Variants in ASCC3 observed in about 807,000 individuals in gnomAD.
ASCC3 encodes the protein ASC-1 complex subunit P200.
A neutral mutation model predicts 256.3 loss-of-function variants in ASCC3; 158 were observed. The ratio of observed to expected loss-of-function variants is 0.62; its 90% CI spans 0.54 to 0.70. The LOEUF is 0.70. Among genes scored for constraint, ASCC3 ranks in the 30% least tolerant of loss-of-function variants. The probability of loss-of-function intolerance (pLI) is 0.00; values close to 1 mark genes in which losing one functional copy is unlikely to be tolerated. For missense variants in ASCC3, 2,259 were observed against 2,626.0 expected, an observed-to-expected ratio of 0.86 and a Z score of 3.05; for synonymous variants, 948 against 883.4, an observed-to-expected ratio of 1.07 and a Z score of -1.30.
chr6:100,868,823 G>T (rs1343938746), intron 1 of ASCC3, among the ~76,000 whole-genome samples: 1 of 152,188 alleles, frequency 6.6e-6, no homozygotes, highest in East Asian at 1.9e-4. Flanking sequence ...CAGCTGATGA[G>T]GGGGAAGAAC....
intron 25 of ASCC3, among the ~76,000 whole-genome samples, chr6:100,633,366 C>T (rs1774654249): frequency 6.6e-6 from 1 of 151,950 alleles, no homozygotes; most frequent in Non-Finnish European, 1.5e-5. Context: ...GTACAAGTAG[C>T]CCTTACATTA....
chr6:100,562,026 G>A (rs370532457), intron 36 of ASCC3, among the ~76,000 whole-genome samples: 56 of 152,180 alleles, frequency 3.7e-4, no homozygotes, highest in Middle Eastern at 3.4e-3. Flanking sequence ...TGATATTTGT[G>A]AAGTCCTTCT....
intron 5 of ASCC3, among the ~76,000 whole-genome samples, chr6:100,805,532 T>C (rs1171166313): frequency 6.6e-6 from 1 of 152,118 alleles, no homozygotes; most frequent in Non-Finnish European, 1.5e-5. Context: ...TTGTGTATTC[T>C]AAGTAGTTTT....
intron 11 of ASCC3, among the ~76,000 whole-genome samples, chr6:100,723,634 G>T (rs1779448857): frequency 6.6e-6 from 1 of 150,942 alleles, no homozygotes; most frequent in African/African-American, 2.4e-5. Context: ...ATAAAGAATT[G>T]ATATCTAATT....
chr6:100,717,966 G>T, intron 12 of ASCC3, 109 bp downstream of exon 12: 2 of 1,006,464 alleles, frequency 2.0e-6, no homozygotes, highest in Non-Finnish European at 3.0e-6. Context: ...CCATTTCAGT[G>T]GACACCACAA....
In ASCC3 at chr6:100,766,720, C is replaced by A; in HGVS notation, c.1597-15G>T. On this transcript the variant is annotated splice_polypyrimidine_tract_variant and intron_variant, in intron 9 of 41. Transcript: ENST00000369162. ...ACATATACAATCTATACCAAAGGAA[C>A]ACTAGCTTGATTAATGAGCAAAAAC... 2 of 1,613,904 alleles carry A rather than the reference C, an allele frequency of 1.2e-6. No individual in the cohort carries two copies. The highest frequency in any genetic ancestry group is 1.7e-6 in the Non-Finnish European group (2 of 1,179,876).
In ASCC3 at chr6:100,509,161, C is replaced by T; in HGVS notation, c.*225G>A. The T allele has an allele frequency of 1.8e-6, 1 of 556,918 alleles. No homozygotes were observed. Among genetic ancestry groups the T allele is most frequent in the Non-Finnish European group, 3.2e-6 (1 of 311,792 alleles). The allele number at this position is 556,918 out of a possible 1,614,324, so 34.5% of individuals were successfully genotyped here. ...CTAAATGCTTTTTCATCTTACATAT[C>T]AAGAAACTCATAAAGATAACATTAT... On this transcript the variant is annotated 3_prime_UTR_variant, in exon 42 of 42. Transcript: ENST00000369162.
At chr6:100,731,717 C>T (rs116203841) in intron 10 of ASCC3, among the ~76,000 whole-genome samples, 5 of 152,102 alleles carry the variant, frequency 3.3e-5, no homozygotes, top group Admixed American at 2.0e-4. Flanking sequence ...TTTTTCAAAT[C>T]GGACTGGTTT....
chr6:100,656,979 TAAAG>T (rs1417709164), intron 16 of ASCC3, among the ~76,000 whole-genome samples: 1 of 151,184 alleles, frequency 6.6e-6, no homozygotes, highest in Non-Finnish European at 1.5e-5. Context: ...GTCCTAATAT[TAAAG>T]AAAGTAAAAC....
At position 100,512,119 on chromosome 6, in the gene ASCC3, G is replaced by A. The variant is rs139895346; in HGVS notation, c.6285+590C>T. Among the ~76,000 whole-genome samples the A allele has an allele frequency of 1.4e-3, 207 of 152,304 alleles. 1 individual carries two copies. Among genetic ancestry groups the A allele is most frequent in the Non-Finnish European group, 2.8e-4 (19 of 68,032 alleles). On this transcript the variant is annotated intron_variant, in intron 40 of 41. Coordinates refer to ENST00000369162, the MANE Select transcript of ASCC3 (RefSeq NM_006828.4). ...ATAAAAATACTGTACATTTTTGCCTGTATGAACATTGACAAAGCTCTCCTA... is the reference window on the plus strand; with the variant it reads ...ATAAAAATACTGTACATTTTTGCCTATATGAACATTGACAAAGCTCTCCTA...
chr6:100,591,516 A>T (rs1771997329), intron 34 of ASCC3, among the ~76,000 whole-genome samples: 1 of 152,054 alleles, frequency 6.6e-6, no homozygotes, highest in Admixed American at 6.6e-5. Context: ...TTTAGCTGTC[A>T]GGACTAATAC....
rs183644989 is a variant in ASCC3, at chr6:100,532,078, T to C, written c.5775+8085A>G. 5.9e-5 allele frequency among the ~76,000 whole-genome samples: 9 copies of C among 151,856 alleles called. No individual in the cohort carries two copies. The East Asian group carries it at 1.7e-3, about 29-fold the overall frequency. On this transcript the variant is annotated intron_variant, in intron 37 of 41. Transcript: ENST00000369162. ...GTAGGAGTTAAATTTTGAAAATGGTTGTGATGAGCCACGAAATTCAATCTT... is the reference window on the plus strand; with the variant it reads ...GTAGGAGTTAAATTTTGAAAATGGTCGTGATGAGCCACGAAATTCAATCTT...
intron 8 of ASCC3, among the ~76,000 whole-genome samples, chr6:100,796,935 C>T (rs1250918875): frequency 6.6e-6 from 1 of 152,060 alleles, no homozygotes; most frequent in Non-Finnish European, 1.5e-5. Context: ...CCAAAAATCT[C>T]CACATCCTAA....
Position 100,512,833 on chromosome 6 carries a change from T to C in ASCC3, c.6161A>G (p.Asn2054Ser). The part of the protein sequence containing the change: ...GSWDDLVEGH[N>S]ELSVSTLTAD... The stretch of plus-strand genomic sequence containing the variant: ...AGTCAGAGTTGAGACAGAGAGTTCA[T>C]TATGTCCTTCAACTAAGTCATCCCA... Residue 2054 changes from asparagine to serine, a missense_variant, in exon 40 of 42, where the codon AAT (asparagine) becomes AGT (serine). Asn to Ser is a conservative substitution (Grantham distance 46). Around this residue, in one of 2 missense-constraint regions of ASCC3, gnomAD observed 1,839 missense variants for 2,206.7 expected, o/e 0.83. Coordinates refer to ENST00000369162, the MANE Select transcript of ASCC3 (RefSeq NM_006828.4). 4.3e-6 allele frequency: 7 copies of C among 1,614,108 alleles called. No individual in the cohort carries two copies. The highest frequency in any genetic ancestry group is 5.1e-6 in the Non-Finnish European group (6 of 1,179,990).
intron 12 of ASCC3, among the ~76,000 whole-genome samples, chr6:100,717,085 A>G (rs1008576769): frequency 1.3e-5 from 2 of 151,972 alleles, no homozygotes; most frequent in East Asian, 3.8e-4. Flanking sequence ...AGAATTGTAT[A>G]TCATAAACTC....
chr6:100,784,737 T>C, intron 8 of ASCC3, among the ~76,000 whole-genome samples: 1 of 151,730 alleles, frequency 6.6e-6, no homozygotes, highest in East Asian at 1.9e-4. Context: ...ATATTATAAA[T>C]GTAGATGTTA....
At chr6:100,614,178 T>C (rs1201280771) in intron 30 of ASCC3, among the ~76,000 whole-genome samples, 1 of 152,230 alleles carries the variant, frequency 6.6e-6, no homozygotes, top group African/African-American at 2.4e-5. Flanking sequence ...TTCTAACTCA[T>C]ATTTAGCATT....
At chr6:100,560,936 T>C (rs1451709491) in intron 36 of ASCC3, among the ~76,000 whole-genome samples, 2 of 152,074 alleles carry the variant, frequency 1.3e-5, no homozygotes, top group African/African-American at 4.8e-5. Context: ...AAGTTTGGTA[T>C]GCATATATGG....
intron 4 of ASCC3, among the ~76,000 whole-genome samples, chr6:100,833,711 C>T (rs1771734053): frequency 6.6e-6 from 1 of 152,034 alleles, no homozygotes; most frequent in East Asian, 1.9e-4. Context: ...TCCCTTAATG[C>T]TGGTAAATGT....
Sources: gnomAD v4.1 joint callset for allele counts (sites outside exome capture counted in the v4.1 genomes callset) on GRCh38, gnomAD v4.1.1 for gene constraint, gnomAD v4.1.1 regional missense constraint, MANE v1.5 for transcripts, NCBI Gene and HGNC (gene_info 2026-07-23, HGNC 2026-07-21) for gene names.